The following CEP128 variants were observed in gnomAD, a reference collection of about 807,000 sequenced individuals.
The protein encoded by CEP128 is centrosomal protein 128.
In CEP128, 132 loss-of-function variants were observed where a neutral mutation model predicts 156.7. The observed-to-expected ratio is 0.84, with a 90% CI of 0.73 to 0.97. The LOEUF (loss-of-function observed/expected upper bound fraction) is 0.97. Ranked by LOEUF, CEP128 falls within the 50% of genes least tolerant of loss-of-function variation. The pLI is 0.00. For missense variants in CEP128, 1,252 were observed against 1,281.9 expected (o/e 0.98, Z 0.36); for synonymous variants, 469 against 448.9 (o/e 1.04, Z -0.57).
At chr14:80,627,137 C>G (rs1283303014) in intron 19 of CEP128, among the ~76,000 whole-genome samples, 1 of 152,112 alleles carries the variant, frequency 6.6e-6, no homozygotes, top group East Asian at 1.9e-4. Flanking sequence ...CTGATTTTTA[C>G]AAGAAGCAAT....
At chr14:80,673,369 C>T (rs910108562) in intron 19 of CEP128, among the ~76,000 whole-genome samples, 7 of 152,100 alleles carry the variant, frequency 4.6e-5, no homozygotes, top group African/African-American at 1.7e-4. Flanking sequence ...GCAGGCCGGG[C>T]GCGGTGGCTC....
chr14:80,559,649 G>A (rs1225009504), intron 20 of CEP128, among the ~76,000 whole-genome samples: 2 of 152,190 alleles, frequency 1.3e-5, no homozygotes, highest in Admixed American at 1.3e-4. Flanking sequence ...AACTAGACAA[G>A]AGTAGTGATA....
chr14:80,955,393 T>C (rs1886605833), intron 2 of CEP128: 4 of 519,368 alleles, frequency 7.7e-6, no homozygotes, highest in Non-Finnish European at 1.4e-5. Context: ...CCAGGACTGG[T>C]GTTGGGTGTC....
chr14:80,801,627 G>C (rs68145550), intron 13 of CEP128, among the ~76,000 whole-genome samples: 2 of 151,910 alleles, frequency 1.3e-5, no homozygotes, highest in African/African-American at 4.8e-5. Context: ...ACTCAACATC[G>C]GTCAGATGCG....
At chr14:80,766,912 T>C (rs1900267675) in intron 16 of CEP128, among the ~76,000 whole-genome samples, 1 of 152,110 alleles carries the variant, frequency 6.6e-6, no homozygotes, top group Admixed American at 6.5e-5. Context: ...TTACTGGAAA[T>C]ACAGCTTGTT....
rs1330568416 is a variant in CEP128, at chr14:80,916,562, C to G, written c.-15G>C. ...GATTCTGCCATTGATGTACACAAATCCTTTTAAATAAATATAGGTCAAAGT... is the reference window on the plus strand; with the variant it reads ...GATTCTGCCATTGATGTACACAAATGCTTTTAAATAAATATAGGTCAAAGT... On this transcript the variant is annotated splice_region_variant and 5_prime_UTR_variant, in exon 3 of 25. Transcript: ENST00000555265. 6.2e-7 allele frequency: 1 copy of G among 1,606,204 alleles called. No homozygotes were observed. Among genetic ancestry groups the G allele is most frequent in the Non-Finnish European group, 8.5e-7 (1 of 1,176,146 alleles).
chr14:80,805,104 A>T (rs1330343858), intron 13 of CEP128, among the ~76,000 whole-genome samples: 1 of 151,664 alleles, frequency 6.6e-6, no homozygotes, highest in Non-Finnish European at 1.5e-5. Flanking sequence ...AATACTCAGC[A>T]CTCTCTTGAG....
At chr14:80,883,777 C>A (rs190849949) in intron 8 of CEP128, among the ~76,000 whole-genome samples, 1 of 152,124 alleles carries the variant, frequency 6.6e-6, no homozygotes, top group African/African-American at 2.4e-5. Flanking sequence ...TCAAAGCTAT[C>A]CTGAGCAAAA....
intron 9 of CEP128, among the ~76,000 whole-genome samples, chr14:80,857,756 C>A (rs375613106): frequency 0.026 from 3,219 of 123,362 alleles, 95 homozygotes; most frequent in Middle Eastern, 0.055. Context: ...ACAACAACAA[C>A]AACAACAACA....
intron 19 of CEP128, among the ~76,000 whole-genome samples, chr14:80,742,036 G>A (rs748581916): frequency 6.6e-6 from 1 of 152,112 alleles, no homozygotes; most frequent in African/African-American, 2.4e-5. Flanking sequence ...CCAAGAGCAT[G>A]TTGCTTATAT....
At chr14:80,701,120 G>A (rs1320225093) in intron 19 of CEP128, among the ~76,000 whole-genome samples, 1 of 152,142 alleles carries the variant, frequency 6.6e-6, no homozygotes, top group Admixed American at 6.5e-5. Flanking sequence ...TCTAGACTCA[G>A]AAAAGAGATT....
chr14:80,537,231 T>C (rs977503030), intron 21 of CEP128, among the ~76,000 whole-genome samples: 1 of 152,218 alleles, frequency 6.6e-6, no homozygotes, highest in Non-Finnish European at 1.5e-5. Flanking sequence ...AAATTACTGC[T>C]TTCTTATTTC....
intron 18 of CEP128, among the ~76,000 whole-genome samples, chr14:80,753,797 C>T (rs764244458): frequency 6.6e-6 from 1 of 152,178 alleles, no homozygotes; most frequent in Non-Finnish European, 1.5e-5. Context: ...ATCATTTATT[C>T]AGATACCAAT....
chr14:80,802,952 C>T (rs1439926713), intron 13 of CEP128, among the ~76,000 whole-genome samples: 1 of 152,114 alleles, frequency 6.6e-6, no homozygotes, highest in African/African-American at 2.4e-5. Context: ...ATGGAGCTGG[C>T]TTATCATACA....
intron 1 of CEP128, among the ~76,000 whole-genome samples, chr14:80,940,641 T>G (rs375495907): frequency 3.9e-4 from 58 of 150,160 alleles, no homozygotes; most frequent in African/African-American, 1.3e-3. Context: ...ACCGCGCCAC[T>G]GCAGTCCAGC....
Position 80,792,691 on chromosome 14 carries a change from T to C in CEP128, c.1560+69A>G, listed in dbSNP as rs181300867. The C allele has an allele frequency of 1.5e-4, 203 of 1,316,464 alleles. 1 individual carries two copies. In the East Asian group the frequency reaches 3.3e-3, roughly 21 times the overall value. The allele number at this position is 1,316,464 out of a possible 1,614,324, so 81.5% of individuals were successfully genotyped here. Reference sequence around the variant, plus strand: ...GTACAGTATGGCACTCAAGTGTTTTTTCAAAGGATAGATGAATGAATGGTT... The same window carrying C: ...GTACAGTATGGCACTCAAGTGTTTTCTCAAAGGATAGATGAATGAATGGTT... On this transcript the variant is annotated intron_variant, in intron 14 of 24. Coordinates refer to ENST00000555265, the MANE Select transcript of CEP128 (RefSeq NM_152446.5).
intron 13 of CEP128, among the ~76,000 whole-genome samples, chr14:80,820,929 AAC>A (rs1389531744): frequency 6.6e-6 from 1 of 152,176 alleles, no homozygotes; most frequent in Non-Finnish European, 1.5e-5. Flanking sequence ...CTATGATACA[AAC>A]ACATTCTTCA....
chr14:80,816,151 A>G (rs1884842928), intron 13 of CEP128, among the ~76,000 whole-genome samples: 1 of 152,226 alleles, frequency 6.6e-6, no homozygotes, highest in Non-Finnish European at 1.5e-5. Context: ...AAAAATCTTG[A>G]TAAGAATAAT....
intron 19 of CEP128, among the ~76,000 whole-genome samples, chr14:80,726,128 A>G (rs1463634941): frequency 6.6e-6 from 1 of 152,216 alleles, no homozygotes; most frequent in Non-Finnish European, 1.5e-5. Flanking sequence ...ACCAACAGAC[A>G]TCTCCTATGT....
Sources: allele counts gnomAD v4.1 joint callset (sites outside exome capture counted in the v4.1 genomes callset), GRCh38; gene constraint gnomAD v4.1.1; transcripts MANE v1.5; gene names NCBI Gene and HGNC (gene_info 2026-07-23, HGNC 2026-07-21).